Variants in CRAT observed in about 807,000 individuals in gnomAD.
CRAT encodes the protein carnitine O-acetyltransferase.
In CRAT, 66 loss-of-function variants were observed where a neutral mutation model predicts 73.7. The ratio of observed to expected loss-of-function variants is 0.90; its 90% confidence interval spans 0.73 to 1.10. The LOEUF (loss-of-function observed/expected upper bound fraction) is 1.10. CRAT is among the 50% of genes least tolerant of loss of function. The pLI, the probability that CRAT is intolerant of heterozygous loss-of-function variation, is 0.00. For missense variants in CRAT, 745 were observed against 846.9 expected (o/e 0.88, Z 1.49); for synonymous variants, 321 against 343.2 (o/e 0.94, Z 0.71).
chr9:129,098,364 G>C lies in CRAT; in HGVS notation c.1213C>G (p.Gln405Glu). The change falls in exon 10 of 14, where the codon CAG becomes GAG. Residue 405 changes from glutamine (Q) to glutamate (E), a missense_variant. Coordinates refer to ENST00000318080, the MANE Select transcript of CRAT (RefSeq NM_000755.5). ...ACCATCACGGTGATATCCAGGTCCT[G>C]GATCATGCTGGGGGTGTGGGAAGAG... Reference protein sequence around the residue: ...KAKQNLSIMIQDLDITVMVFH... With the variant: ...KAKQNLSIMIEDLDITVMVFH... 2 of 1,613,834 alleles carry C rather than the reference G, an allele frequency of 1.2e-6. No homozygotes were observed. The highest frequency in any genetic ancestry group is 1.7e-4 in the Middle Eastern group (1 of 5,946).
At position 129,102,441 on chromosome 9, in the gene CRAT, T is replaced by C; in HGVS notation, c.589A>G (p.Lys197Glu). The change falls in exon 5 of 14, where the codon AAG (lysine) becomes GAG (glutamate). Residue 197 changes from lysine to glutamate, a missense_variant. Physicochemically the swap from Lys to Glu is moderately conservative, Grantham distance 56. Transcript: ENST00000318080. ...QDTVSNFSKTKKPPTHITVVH... is the reference protein window; with the variant it reads ...QDTVSNFSKTEKPPTHITVVH... ...ACGGTGATGTGCGTGGGAGGCTTCTTGGTCTTGCTGAAGTTGCTGACTGTG... is the reference window on the plus strand; with the variant it reads ...ACGGTGATGTGCGTGGGAGGCTTCTCGGTCTTGCTGAAGTTGCTGACTGTG... 6.2e-7 allele frequency: 1 copy of C among 1,614,174 alleles called. No homozygotes were observed. The highest frequency in any genetic ancestry group is 2.2e-5 in the East Asian group (1 of 44,872).
chr9:129,104,808 G>A (rs1245408677), intron 2 of CRAT, among the ~76,000 whole-genome samples: 2 of 151,060 alleles, frequency 1.3e-5, no homozygotes, highest in Admixed American at 6.6e-5. Flanking sequence ...GTTTCACCGT[G>A]TTAGCCAGGA....
chr9:129,104,299 TCAGACAG>T lies in CRAT; in HGVS notation c.292_298del (p.Leu98SerfsTer23). On this transcript the variant is annotated frameshift_variant and splice_region_variant, in exon 3 of 14. Transcript: ENST00000318080. LOFTEE classifies it high-confidence loss of function. ...GAGGTAGGCGGTCTTGAGCCACCAC[TCAGACAG>T]CTGGGAAAAGTGCCAGAGCCTGTCA... 6.2e-7 allele frequency: 1 copy of T among 1,613,048 alleles called. No individual in the cohort carries two copies. Among genetic ancestry groups the T allele is most frequent in the Non-Finnish European group, 8.5e-7 (1 of 1,179,424 alleles).
At position 129,110,699 on chromosome 9, in the gene CRAT, G is replaced by A. The variant is rs1848384801; in HGVS notation, c.-190C>T. 7.2e-6 allele frequency: 5 copies of A among 689,688 alleles called. 1 individual carries two copies. Among genetic ancestry groups the A allele is most frequent in the Admixed American group, 4.1e-5 (1 of 24,226 alleles). 42.7% of individuals were successfully genotyped at this position (689,688 alleles called of 1,614,324 possible). ...TCTGGGCCGAGCGGGCTGCGGGAAG[G>A]CACCCGGGGAGGAGGACTCGCGAGG... On this transcript the variant is annotated 5_prime_UTR_variant, in exon 1 of 14. Transcript: ENST00000318080. This position sits in a 1 kb window ranked among gnomAD's most constrained non-coding sequence, Gnocchi z 5.3.
chr9:129,103,053 G>A lies in CRAT; in HGVS notation c.424C>T (p.Leu142Phe), dbSNP rs1207298126. The part of the protein sequence containing the change: ...LQGQLRFAAK[L>F]IEGVLDFKVM... ...TTGAAATCCAACACACCCTCAATGA[G>A]TTTGGCAGCAAATCTGGAAAGATTG... is the stretch of plus-strand genomic sequence containing the variant. Residue 142 changes from leucine (L) to phenylalanine (F), a missense_variant, in exon 4 of 14, where the codon CTC (leucine) becomes TTC (phenylalanine). Coordinates refer to ENST00000318080, the MANE Select transcript of CRAT (RefSeq NM_000755.5). This position sits in a 1 kb window ranked among gnomAD's most constrained non-coding sequence, Gnocchi z 4.6. The A allele has an allele frequency of 6.2e-7, 1 of 1,614,112 alleles. No homozygotes were observed. Among genetic ancestry groups the A allele is most frequent in the Admixed American group, 1.7e-5 (1 of 60,020 alleles).
At chr9:129,102,785 C>T (rs1046526376) in intron 4 of CRAT, among the ~76,000 whole-genome samples, 2 of 152,106 alleles carry the variant, frequency 1.3e-5, no homozygotes, top group African/African-American at 2.4e-5. Context: ...CCTCCTTTCC[C>T]CTCTCTGGGC....
intron 11 of CRAT, among the ~76,000 whole-genome samples, chr9:129,097,673 C>T (rs1174615381): frequency 6.6e-6 from 1 of 151,524 alleles, no homozygotes; most frequent in African/African-American, 2.4e-5. Flanking sequence ...CACACCACTG[C>T]ACTCCAGCCT....
At chr9:129,101,518 C>T (rs1301769356) in intron 6 of CRAT, among the ~76,000 whole-genome samples, 2 of 152,238 alleles carry the variant, frequency 1.3e-5, no homozygotes, top group Non-Finnish European at 2.9e-5. Flanking sequence ...AGCCCGCTCC[C>T]ACCAGCTACT....
At chr9:129,098,486 T>C in intron 9 of CRAT, 45 bp downstream of exon 9, 1 of 1,591,932 alleles carries the variant, frequency 6.3e-7, no homozygotes. Flanking sequence ...CTCAAGGGCC[T>C]GGCCTCACCC....
At position 129,098,380 on chromosome 9, in the gene CRAT, G is replaced by A; in HGVS notation, c.1206-9C>T. On this transcript the variant is annotated splice_polypyrimidine_tract_variant and intron_variant, in intron 9 of 13. Coordinates refer to ENST00000318080, the MANE Select transcript of CRAT (RefSeq NM_000755.5). ...CCAGGTCCTGGATCATGCTGGGGGT[G>A]TGGGAAGAGCAGGTGAGGAGCAGGC... 6.2e-7 allele frequency: 1 copy of A among 1,613,384 alleles called. No homozygotes were observed. Among genetic ancestry groups the A allele is most frequent in the Non-Finnish European group, 8.5e-7 (1 of 1,179,724 alleles).
intron 8 of CRAT, 114 bp from the exon 9 acceptor site, chr9:129,098,764 G>C: frequency 1.5e-6 from 2 of 1,312,438 alleles, no homozygotes; most frequent in Non-Finnish European, 2.0e-6. Context: ...AGCCCAGGGA[G>C]GTGTGAGTTT....
intron 1 of CRAT, chr9:129,109,173 A>G (rs1437033831): frequency 7.7e-7 from 1 of 1,304,056 alleles, no homozygotes; most frequent in Non-Finnish European, 1.0e-6. Context: ...GTAATAAAAA[A>G]TCCACCTGTC....
Position 129,104,442 on chromosome 9 carries a change from A to G in CRAT, c.292-136T>C, listed in dbSNP as rs17433297. On this transcript the variant is annotated intron_variant, in intron 2 of 13. Transcript: ENST00000318080. ...ATTCTCAAAGTAAATGCCTAGATCC[A>G]GAACCCACCCTCCCTGCCCCACAAC... 12 of 644,774 alleles carry G rather than the reference A, an allele frequency of 1.9e-5. No homozygotes were observed. In the South Asian group the frequency reaches 2.1e-4, roughly 11 times the overall value. 39.9% of individuals were successfully genotyped at this position (644,774 alleles called of 1,614,324 possible).
chr9:129,108,425 C>T, intron 1 of CRAT: 2 of 1,175,834 alleles, frequency 1.7e-6, no homozygotes, highest in South Asian at 2.0e-5. Flanking sequence ...GAGGAGCCAG[C>T]CAGCAGAGTG....
At chr9:129,099,011 C>T (rs1297561798) in intron 8 of CRAT, among the ~76,000 whole-genome samples, 1 of 151,174 alleles carries the variant, frequency 6.6e-6, no homozygotes, top group African/African-American at 2.4e-5. Flanking sequence ...GAGTCTTGCT[C>T]TGTCACCCAG....
intron 11 of CRAT, 159 bp downstream of exon 11, chr9:129,097,854 G>A: frequency 9.6e-7 from 1 of 1,041,836 alleles, no homozygotes; most frequent in Non-Finnish European, 1.4e-6. Context: ...TGGTCCCCAG[G>A]AAGCTCAGAG....
chr9:129,102,220 G>A (rs190255813), intron 5 of CRAT, among the ~76,000 whole-genome samples, 163 bp from the exon 6 acceptor site: 87 of 152,298 alleles, frequency 5.7e-4, no homozygotes, highest in African/African-American at 1.9e-3. Context: ...CTTCTGGGCT[G>A]GGCAGGCCCA....
Position 129,107,732 on chromosome 9 carries a change from A to G in CRAT, c.291+82T>C, listed in dbSNP as rs753825620. 1.9e-6 allele frequency: 3 copies of G among 1,602,768 alleles called. No homozygotes were observed. The Admixed American group carries it at 5.0e-5, about 27-fold the overall frequency. On this transcript the variant is annotated intron_variant, in intron 2 of 13. Coordinates refer to ENST00000318080, the MANE Select transcript of CRAT (RefSeq NM_000755.5). This position sits in a 1 kb window ranked among gnomAD's most constrained non-coding sequence, Gnocchi z 5.0. The stretch of plus-strand genomic sequence containing the variant: ...TCACGAAACTCTGGGCAGCAAACGA[A>G]CGGCCGTGCCAGAGCAGTGGGCACT...
rs529011271 is a variant in CRAT, at chr9:129,108,011, G to C, written c.94C>G (p.Gln32Glu). ...ACGGGCAGCCGTGGCAGTGCATCCT[G>C]GTGTGCCTTGAAGCGGCTGGAAGCC... ...MKASSRFKAH[Q>E]DALPRLPVPP... is the part of the protein sequence containing the mutation. Residue 32 changes from glutamine (Q) to glutamate (E), a missense_variant, in exon 2 of 14, where the codon CAG (glutamine) becomes GAG (glutamate). Transcript: ENST00000318080. 3.0e-5 allele frequency: 47 copies of C among 1,582,286 alleles called. No homozygotes were observed. The South Asian group carries it at 5.1e-4, about 17-fold the overall frequency.
Sources: allele counts gnomAD v4.1 joint callset (sites outside exome capture counted in the v4.1 genomes callset), GRCh38; gene constraint gnomAD v4.1.1; non-coding constraint Gnocchi (gnomAD v3.1); transcripts MANE v1.5; gene names NCBI Gene and HGNC (gene_info 2026-07-23, HGNC 2026-07-21).